USP15: variants seen among roughly 807,000 people sequenced by gnomAD.
The protein encoded by USP15 is ubiquitin specific peptidase 15, also known as ubiquitin carboxyl-terminal hydrolase 15.
USP15 carries 18 observed loss-of-function variants against 127.1 expected under a neutral mutation model. That is an observed-to-expected ratio of 0.14 (90% confidence interval 0.10 to 0.21). The LOEUF is 0.21. USP15 is among the 10% of genes least tolerant of loss of function. The probability of loss-of-function intolerance (pLI) is 1.00; values close to 1 mark genes in which losing one functional copy is unlikely to be tolerated. For synonymous variants in USP15, 364 were observed against 393.7 expected, an observed-to-expected ratio of 0.92 and a Z score of 0.89; for missense variants, 805 against 1,159.9, an observed-to-expected ratio of 0.69 and a Z score of 4.44.
intron 8 of USP15, among the ~76,000 whole-genome samples, chr12:62,377,932 T>G (rs2066880658): frequency 6.6e-6 from 1 of 152,052 alleles, no homozygotes. Flanking sequence ...CAAGGTCTGG[T>G]GCAGTGGCTC....
intron 8 of USP15, among the ~76,000 whole-genome samples, chr12:62,356,439 T>TC (rs1442992538): frequency 1.3e-5 from 2 of 151,976 alleles, no homozygotes; most frequent in Non-Finnish European, 2.9e-5. Flanking sequence ...ACATCATCAT[T>TC]CATACAGCTG....
intron 11 of USP15, among the ~76,000 whole-genome samples, chr12:62,385,079 A>G (rs2067107004): frequency 6.6e-6 from 1 of 151,860 alleles, no homozygotes; most frequent in African/African-American, 2.4e-5. Flanking sequence ...CTTTTGGCTT[A>G]CTTTTATCTT....
intron 19 of USP15, among the ~76,000 whole-genome samples, chr12:62,395,153 A>G (rs1343125267): frequency 1.3e-5 from 2 of 152,084 alleles, no homozygotes; most frequent in African/African-American, 2.4e-5. Flanking sequence ...AGTTTTCACT[A>G]TTCCTGTATT....
At chr12:62,301,628 A>G (rs552608004) in intron 2 of USP15, among the ~76,000 whole-genome samples, 1 of 152,200 alleles carries the variant, frequency 6.6e-6, no homozygotes, top group Non-Finnish European at 1.5e-5. Flanking sequence ...GAAATTGCAA[A>G]TTCGTCTATA....
chr12:62,345,836 A>G (rs553151863), intron 6 of USP15, among the ~76,000 whole-genome samples: 1 of 152,304 alleles, frequency 6.6e-6, no homozygotes, highest in African/African-American at 2.4e-5. Context: ...GAGCTTGTGC[A>G]GAAAAACTCC....
chr12:62,303,066 A>G (rs2064363596), intron 3 of USP15, 146 bp downstream of exon 3: 4 of 847,194 alleles, frequency 4.7e-6, no homozygotes, highest in Non-Finnish European at 3.5e-6. Flanking sequence ...CAATAATGGC[A>G]AGTAACATGT....
At chr12:62,324,985 G>A (rs2065086668) in intron 5 of USP15, among the ~76,000 whole-genome samples, 1 of 151,726 alleles carries the variant, frequency 6.6e-6, no homozygotes, top group Non-Finnish European at 1.5e-5. Context: ...ATAATGCCTT[G>A]GATTTATTTC....
chr12:62,392,131 T>G, intron 17 of USP15, 141 bp from the exon 18 acceptor site: 1 of 692,686 alleles, frequency 1.4e-6, no homozygotes. Context: ...TATTTAGAAG[T>G]ATATAAATCT....
At chr12:62,294,341 G>A in intron 2 of USP15, 35 bp downstream of exon 2, 1 of 1,587,078 alleles carries the variant, frequency 6.3e-7, no homozygotes, top group East Asian at 2.3e-5. Context: ...AGTTGTAAAT[G>A]TGTTAAATTT....
intron 3 of USP15, chr12:62,305,760 C>G (rs2064466456): frequency 6.6e-6 from 1 of 152,208 alleles, no homozygotes; most frequent in Non-Finnish European, 1.5e-5. Context: ...TGGTGATCCC[C>G]AGCTCCTCAT....
rs1207971058 is a variant in USP15 at position 62,327,897 on chromosome 12, A to G, written c.683+1964A>G. 3 of 225,856 alleles carry G rather than the reference A, an allele frequency of 1.3e-5. No individual in the cohort carries two copies. The East Asian group carries it at 4.1e-4, about 31-fold the overall frequency. 14.0% of individuals were successfully genotyped at this position (225,856 alleles called of 1,614,324 possible). A position where few individuals can be genotyped will look rare whatever the true frequency, so the allele number is the denominator to read the frequency against. ...GAAAAGTTAAATATCCATTCCCTAT[A>G]AAATCTAAGAAATACTATGCAGTAA... On this transcript the variant is annotated intron_variant, in intron 6 of 21. Transcript: ENST00000280377.
intron 9 of USP15, 73 bp from the exon 10 acceptor site, chr12:62,383,767 G>T (rs2067060381): frequency 4.2e-6 from 6 of 1,430,796 alleles, no homozygotes; most frequent in Non-Finnish European, 4.7e-6. Flanking sequence ...TGAATAATGA[G>T]AATCTATTGT....
intron 2 of USP15, among the ~76,000 whole-genome samples, chr12:62,302,561 G>GT (rs564815982): frequency 3.0e-4 from 45 of 151,168 alleles, no homozygotes; most frequent in Admixed American, 1.4e-3. Context: ...AACATTATGA[G>GT]TTTTTTTTTA....
chr12:62,378,990 T>C (rs1174821224), intron 8 of USP15, among the ~76,000 whole-genome samples: 1 of 151,992 alleles, frequency 6.6e-6, no homozygotes, highest in African/African-American at 2.4e-5. Context: ...TAAATAAGAA[T>C]ACCCTGGTAC....
At chr12:62,308,550 T>A (rs1454527911) in intron 3 of USP15, among the ~76,000 whole-genome samples, 3 of 152,082 alleles carry the variant, frequency 2.0e-5, no homozygotes, top group African/African-American at 7.2e-5. Flanking sequence ...AACTTTGCCC[T>A]TAACTTACCC....
chr12:62,331,683 G>A (rs2065307391), intron 6 of USP15, among the ~76,000 whole-genome samples: 1 of 152,114 alleles, frequency 6.6e-6, no homozygotes, highest in Non-Finnish European at 1.5e-5. Context: ...GTCTTCAGCT[G>A]AAGCATAAAT....
chr12:62,347,765 T>G (rs1425548289), intron 6 of USP15, among the ~76,000 whole-genome samples: 1 of 152,178 alleles, frequency 6.6e-6, no homozygotes, highest in African/African-American at 2.4e-5. Flanking sequence ...AAAATCTTGT[T>G]AAAGGGACTT....
intron 7 of USP15, among the ~76,000 whole-genome samples, chr12:62,351,039 A>G (rs1244444337): frequency 6.6e-6 from 1 of 152,192 alleles, no homozygotes; most frequent in Non-Finnish European, 1.5e-5. Context: ...AAATTAAACA[A>G]TGACATGTAT....
intron 3 of USP15, chr12:62,303,675 A>G (rs1328059522): frequency 6.6e-6 from 1 of 152,000 alleles, no homozygotes; most frequent in Non-Finnish European, 1.5e-5. Flanking sequence ...AAAAACCTCT[A>G]GTAGACCTAA....
Sources: gnomAD v4.1 joint callset for allele counts (sites outside exome capture counted in the v4.1 genomes callset) on GRCh38, gnomAD v4.1.1 for gene constraint, MANE v1.5 for transcripts, NCBI Gene and HGNC (gene_info 2026-07-23, HGNC 2026-07-21) for gene names.